The following GPC5 variants were observed in gnomAD, a reference collection of about 807,000 sequenced individuals.
The protein encoded by GPC5 is glypican 5.
Under a neutral mutation model 53.9 loss-of-function variants are expected in GPC5, and 47 were observed. The ratio of observed to expected loss-of-function variants is 0.87; its 90% confidence interval spans 0.69 to 1.11. GPC5 has a LOEUF of 1.11. Ranked by LOEUF, GPC5 falls within the 50% of genes most tolerant of loss-of-function variation. The pLI is 0.00. For missense variants in GPC5, 748 were observed against 713.1 expected, an observed-to-expected ratio of 1.05 and a Z score of -0.56; for synonymous variants, 286 against 263.3, an observed-to-expected ratio of 1.09 and a Z score of -0.84.
intron 5 of GPC5, among the ~76,000 whole-genome samples, chr13:91,809,896 C>T (rs1364300875): frequency 2.6e-5 from 4 of 151,984 alleles, no homozygotes; most frequent in South Asian, 2.1e-4. Context: ...ATAGTTCATT[C>T]GTTTTTTTGA....
At chr13:91,731,934 A>G (rs1048704082) in intron 4 of GPC5, among the ~76,000 whole-genome samples, 7 of 152,118 alleles carry the variant, frequency 4.6e-5, no homozygotes, top group African/African-American at 1.7e-4. Context: ...TCTATAATTG[A>G]TGGACATTTG....
intron 7 of GPC5, among the ~76,000 whole-genome samples, chr13:92,693,333 G>C (rs1189038922): frequency 2.0e-5 from 3 of 152,136 alleles, no homozygotes; most frequent in Admixed American, 6.5e-5. Flanking sequence ...AGTTTAGAAG[G>C]CTCATAATAA....
chr13:91,915,421 A>G (rs1169358454), intron 6 of GPC5, among the ~76,000 whole-genome samples: 1 of 152,124 alleles, frequency 6.6e-6, no homozygotes, highest in Admixed American at 6.6e-5. Context: ...AAGTTTGAGA[A>G]CTTTTTTTTT....
rs191519414 is a variant in GPC5 at position 92,481,015 on chromosome 13, C to T, written c.1561+336026C>T. ...AAAAGGCAAAGGAACAGGTTCTCCC[C>T]TAGAACATCCAGACAATGTCACTCA... On this transcript the variant is annotated intron_variant, in intron 7 of 7. Coordinates refer to ENST00000377067, the MANE Select transcript of GPC5 (RefSeq NM_004466.6). Among the ~76,000 whole-genome samples the T allele has an allele frequency of 6.6e-5, 10 of 152,296 alleles. No homozygotes were observed. In the East Asian group the frequency reaches 1.7e-3, roughly 26 times the overall value.
chr13:91,849,988 G>C (rs1318036868), intron 5 of GPC5, among the ~76,000 whole-genome samples: 2 of 152,142 alleles, frequency 1.3e-5, no homozygotes, highest in Non-Finnish European at 2.9e-5. Flanking sequence ...GATGAGGCAG[G>C]TATTGAGATT....
intron 7 of GPC5, among the ~76,000 whole-genome samples, chr13:92,513,470 T>TG (rs1880651097): frequency 1.3e-5 from 1 of 77,246 alleles, no homozygotes; most frequent in Non-Finnish European, 2.7e-5. Flanking sequence ...AGCTTTTTTC[T>TG]GTTTTTTTTT....
intron 6 of GPC5, among the ~76,000 whole-genome samples, chr13:92,075,066 A>AT (rs1191673529): frequency 2.6e-5 from 4 of 152,072 alleles, no homozygotes; most frequent in African/African-American, 9.7e-5. Flanking sequence ...CTGTTTTGAA[A>AT]TTTTTTTCTT....
In GPC5 at chr13:92,537,076, C is replaced by A. The variant is rs372462635; in HGVS notation, c.1562-329206C>A. Among the ~76,000 whole-genome samples the A allele has an allele frequency of 2.3e-3, 355 of 152,008 alleles. 2 individuals carry two copies. Among genetic ancestry groups the A allele is most frequent in the South Asian group, 4.1e-3 (20 of 4,828 alleles). On this transcript the variant is annotated intron_variant, in intron 7 of 7. Coordinates refer to ENST00000377067, the MANE Select transcript of GPC5 (RefSeq NM_004466.6). ...TAAGGGGTATTCTAAGAACTGTTAC[C>A]ACATTTAAAATTCCATATCTAAAGC...
intron 6 of GPC5, among the ~76,000 whole-genome samples, chr13:92,008,964 C>G (rs2040635903): frequency 6.6e-6 from 1 of 152,008 alleles, no homozygotes; most frequent in Non-Finnish European, 1.5e-5. Context: ...TTAATACCAT[C>G]TAGTGAATTA....
chr13:92,564,503 TTTAA>T (rs1282548968), intron 7 of GPC5, among the ~76,000 whole-genome samples: 25 of 152,194 alleles, frequency 1.6e-4, no homozygotes, highest in East Asian at 9.7e-4. Context: ...TTTTTTGGTG[TTTAA>T]TTAATTATTT....
At chr13:91,576,205 T>C (rs2032126666) in intron 2 of GPC5, among the ~76,000 whole-genome samples, 1 of 152,062 alleles carries the variant, frequency 6.6e-6, no homozygotes, top group South Asian at 2.1e-4. Context: ...TAGCTATGAC[T>C]AATAGCAATG....
intron 7 of GPC5, among the ~76,000 whole-genome samples, chr13:92,255,472 A>G (rs1487466165): frequency 1.3e-5 from 2 of 152,176 alleles, no homozygotes; most frequent in Non-Finnish European, 2.9e-5. Flanking sequence ...TTCCAAATTT[A>G]TGTATCTAGA....
intron 7 of GPC5, among the ~76,000 whole-genome samples, chr13:92,572,595 G>A (rs1343307936): frequency 1.3e-5 from 2 of 152,066 alleles, no homozygotes; most frequent in Non-Finnish European, 2.9e-5. Context: ...TGACATTAGG[G>A]TTTCTTTATA....
At chr13:92,227,513 C>T (rs2042496691) in intron 7 of GPC5, among the ~76,000 whole-genome samples, 2 of 152,008 alleles carry the variant, frequency 1.3e-5, no homozygotes, top group Non-Finnish European at 2.9e-5. Context: ...GGTCTCCTTT[C>T]TTAAATGTAA....
At chr13:92,462,542 G>C (rs1265525704) in intron 7 of GPC5, among the ~76,000 whole-genome samples, 1 of 152,078 alleles carries the variant, frequency 6.6e-6, no homozygotes, top group Non-Finnish European at 1.5e-5. Context: ...TTAAATTTGA[G>C]GAGGTTATTG....
At position 92,433,002 on chromosome 13, in the gene GPC5, T is replaced by C. The variant is rs533981969; in HGVS notation, c.1561+288013T>C. Among the ~76,000 whole-genome samples the C allele has an allele frequency of 3.3e-5, 5 of 152,242 alleles. No homozygotes were observed. The East Asian group carries it at 5.8e-4, about 18-fold the overall frequency. On this transcript the variant is annotated intron_variant, in intron 7 of 7. Transcript: ENST00000377067. ...TAGAGAAGAATGCAAAGGACTATTA[T>C]TTTGCAAAATTTACTTTGATGAATA...
chr13:92,471,135 A>G (rs984933477), intron 7 of GPC5, among the ~76,000 whole-genome samples: 1 of 152,098 alleles, frequency 6.6e-6, no homozygotes, highest in African/African-American at 2.4e-5. Context: ...ATGGAAGGGG[A>G]TGTGGACATG....
At chr13:92,414,346 A>G (rs573606302) in intron 7 of GPC5, among the ~76,000 whole-genome samples, 28 of 152,090 alleles carry the variant, frequency 1.8e-4, no homozygotes, top group African/African-American at 6.0e-4. Context: ...CTCTACTAAA[A>G]ATAAAAAAAT....
chr13:92,618,434 A>G (rs182752335), intron 7 of GPC5, among the ~76,000 whole-genome samples: 5 of 152,196 alleles, frequency 3.3e-5, no homozygotes, highest in African/African-American at 1.2e-4. Context: ...ATTACAAAGT[A>G]TATAGTTAAC....
Sources: gnomAD v4.1 joint callset for allele counts (sites outside exome capture counted in the v4.1 genomes callset) on GRCh38, gnomAD v4.1.1 for gene constraint, MANE v1.5 for transcripts, NCBI Gene and HGNC (gene_info 2026-07-23, HGNC 2026-07-21) for gene names.